The following COLEC11 variants were observed in gnomAD, a reference collection of about 807,000 sequenced individuals.
The protein encoded by COLEC11 is collectin subfamily member 11, also known as collectin-11.
In COLEC11, 20 loss-of-function variants were observed where a neutral mutation model predicts 27.3. The ratio of observed to expected loss-of-function variants is 0.73; its 90% confidence interval spans 0.51 to 1.06. COLEC11 has a LOEUF of 1.06. Ranked by LOEUF, COLEC11 falls within the 50% of genes least tolerant of loss-of-function variation. The pLI is 0.00. For synonymous variants in COLEC11, 163 were observed against 154.7 expected, an observed-to-expected ratio of 1.05 and a Z score of -0.40; for missense variants, 310 against 383.0, an observed-to-expected ratio of 0.81 and a Z score of 1.59.
chr2:3,613,205 T>G, intron 2 of COLEC11, 106 bp from the exon 3 acceptor site: 1 of 1,281,674 alleles, frequency 7.8e-7, no homozygotes, highest in South Asian at 1.3e-5. Context: ...CTTGGCCACC[T>G]GCAGGGACCC....
intron 2 of COLEC11, among the ~76,000 whole-genome samples, chr2:3,612,240 G>A (rs1160405799): frequency 1.3e-5 from 2 of 151,890 alleles, no homozygotes; most frequent in African/African-American, 4.8e-5. Flanking sequence ...ATGCACCCAC[G>A]CACCCACGCA....
At chr2:3,608,178 G>A (rs188442934) in intron 2 of COLEC11, among the ~76,000 whole-genome samples, 34 of 152,318 alleles carry the variant, frequency 2.2e-4, no homozygotes, top group African/African-American at 8.2e-4. Context: ...CTTTTTGTTC[G>A]TAGATTTGTA....
At chr2:3,617,790 C>T in intron 3 of COLEC11, 2 of 837,012 alleles carry the variant, frequency 2.4e-6, no homozygotes, top group South Asian at 1.5e-5. Flanking sequence ...AGCCTCTGTA[C>T]TGTTTTCCAT....
chr2:3,598,133 A>T (rs1661983435), intron 1 of COLEC11, among the ~76,000 whole-genome samples: 1 of 152,018 alleles, frequency 6.6e-6, no homozygotes, highest in Non-Finnish European at 1.5e-5. Context: ...ACAGGGTTTC[A>T]CCATGTTGGC....
rs182642577 is a variant in COLEC11, at chr2:3,618,872, C to T, written c.202+5490C>T. ...TTTCATAGTTCTCAGTGTACAGGTA[C>T]ACAACACTTCCTTGGTTAAATTTAT... On this transcript the variant is annotated intron_variant, in intron 3 of 6. Coordinates refer to ENST00000349077, the MANE Select transcript of COLEC11 (RefSeq NM_024027.5). Among the ~76,000 whole-genome samples, 534 of 152,282 alleles carry T rather than the reference C, an allele frequency of 3.5e-3. 4 individuals are homozygous for T. Among genetic ancestry groups the T allele is most frequent in the African/African-American group, 0.012 (514 of 41,554 alleles).
rs111685093 is a variant in COLEC11 at position 3,641,247 on chromosome 2, G to A, written c.328+916G>A. 14,467 of 1,304,246 alleles carry A rather than the reference G, an allele frequency of 0.011. 1,187 individuals are homozygous for A. The African/African-American group carries it at 0.19, about 17-fold the overall frequency. The allele number at this position is 1,304,246 out of a possible 1,614,324, so 80.8% of individuals were successfully genotyped here. A position where few individuals can be genotyped will look rare whatever the true frequency, so the allele number is the denominator to read the frequency against. ...AAGTCCTTGTTTTAAAAGCTCCTTC[G>A]GCACCGCAGAGATGAGGAGGAACGG... On this transcript the variant is annotated intron_variant, in intron 5 of 6. Coordinates refer to ENST00000349077, the MANE Select transcript of COLEC11 (RefSeq NM_024027.5).
intron 5 of COLEC11, among the ~76,000 whole-genome samples, chr2:3,642,450 C>T (rs990626883): frequency 3.3e-5 from 5 of 152,170 alleles, no homozygotes; most frequent in African/African-American, 1.2e-4. Flanking sequence ...ACCCATGTCC[C>T]TCTCATCAGG....
At chr2:3,605,977 G>A in intron 2 of COLEC11, 1 of 1,341,364 alleles carries the variant, frequency 7.5e-7, no homozygotes, top group Non-Finnish European at 1.0e-6. Flanking sequence ...TTTTAATTGT[G>A]ATAAATGTAC....
chr2:3,618,965 C>A (rs1369793511), intron 3 of COLEC11, among the ~76,000 whole-genome samples: 1 of 152,032 alleles, frequency 6.6e-6, no homozygotes, highest in Non-Finnish European at 1.5e-5. Context: ...TTTCAGGTGG[C>A]TCATTGTTAG....
intron 2 of COLEC11, among the ~76,000 whole-genome samples, 163 bp from the exon 3 acceptor site, chr2:3,613,148 A>G (rs114384864): frequency 0.024 from 3,606 of 152,242 alleles, 150 homozygotes; most frequent in African/African-American, 0.08. Context: ...GGGCACCCAG[A>G]GTAGCGGCTG....
chr2:3,641,538 C>G (rs1270493023), intron 5 of COLEC11: 2 of 700,648 alleles, frequency 2.9e-6, no homozygotes, highest in Non-Finnish European at 4.0e-6. Flanking sequence ...GGAAAGGAAT[C>G]CATCCACTTC....
intron 3 of COLEC11, chr2:3,626,165 C>T: frequency 8.2e-7 from 1 of 1,223,610 alleles, no homozygotes; most frequent in Non-Finnish European, 1.2e-6. Flanking sequence ...AACCACTCTT[C>T]CCATGGCCAC....
chr2:3,606,214 C>T (rs1454347569), intron 2 of COLEC11: 2 of 1,550,334 alleles, frequency 1.3e-6, no homozygotes, highest in Non-Finnish European at 1.7e-6. Flanking sequence ...CCTCCGAGTC[C>T]CTACGGTTGT....
intron 1 of COLEC11, among the ~76,000 whole-genome samples, chr2:3,600,160 G>A (rs1284881598): frequency 2.0e-5 from 3 of 151,646 alleles, no homozygotes; most frequent in Admixed American, 6.6e-5. Context: ...GCGTGAACCC[G>A]GGAGGCAGAG....
chr2:3,638,188 C>T (rs570143399), intron 4 of COLEC11, among the ~76,000 whole-genome samples: 7 of 152,238 alleles, frequency 4.6e-5, no homozygotes, highest in Non-Finnish European at 8.8e-5. Flanking sequence ...CTGCGCCTCC[C>T]GTGATGAGAG....
At chr2:3,609,107 A>T (rs1241363402) in intron 2 of COLEC11, among the ~76,000 whole-genome samples, 1 of 152,258 alleles carries the variant, frequency 6.6e-6, no homozygotes, top group Non-Finnish European at 1.5e-5. Flanking sequence ...GTACAACTAC[A>T]GACACAGGTC....
At chr2:3,614,545 CT>C (rs895083307) in intron 3 of COLEC11, among the ~76,000 whole-genome samples, 14 of 151,316 alleles carry the variant, frequency 9.3e-5, no homozygotes, top group Admixed American at 6.6e-4. Context: ...CTTTTTTTTT[CT>C]TTTTTTTAAA....
At chr2:3,613,858 CAT>C (rs1035077193) in intron 3 of COLEC11, among the ~76,000 whole-genome samples, 42 of 152,276 alleles carry the variant, frequency 2.8e-4, no homozygotes, top group African/African-American at 7.7e-4. Context: ...GGAAATGTAT[CAT>C]GTGTAAAGTA....
At chr2:3,632,685 C>T (rs1217320203) in intron 3 of COLEC11, among the ~76,000 whole-genome samples, 1 of 152,184 alleles carries the variant, frequency 6.6e-6, no homozygotes, top group African/African-American at 2.4e-5. Flanking sequence ...CTGCTAGGGA[C>T]GTTGTGAAGC....
Sources: gnomAD v4.1 joint callset for allele counts (sites outside exome capture counted in the v4.1 genomes callset) on GRCh38, gnomAD v4.1.1 for gene constraint, MANE v1.5 for transcripts, NCBI Gene and HGNC (gene_info 2026-07-23, HGNC 2026-07-21) for gene names.